Variants in PCDHAC1 observed in about 807,000 individuals in gnomAD.
PCDHAC1 encodes protocadherin alpha subfamily C, 1.
PCDHAC1 carries 42 observed loss-of-function variants against 60.0 expected under a neutral mutation model. That is an observed-to-expected ratio of 0.70 (90% CI 0.55 to 0.90). The LOEUF (loss-of-function observed/expected upper bound fraction) is 0.90, where lower values mean the gene tolerates loss of function less well. PCDHAC1 is among the 40% of genes least tolerant of loss of function. The probability of loss-of-function intolerance (pLI) is 0.00; values close to 1 mark genes in which losing one functional copy is unlikely to be tolerated. For missense variants in PCDHAC1, 1,160 were observed against 1,222.3 expected, an observed-to-expected ratio of 0.95 and a Z score of 0.76; for synonymous variants, 468 against 499.3, an observed-to-expected ratio of 0.94 and a Z score of 0.84.
At chr5:140,997,833 A>G (rs2097787444) in intron 3 of PCDHAC1, among the ~76,000 whole-genome samples, 1 of 152,230 alleles carries the variant, frequency 6.6e-6, no homozygotes. Flanking sequence ...TCTAAACAAT[A>G]CAATATACAT....
intron 1 of PCDHAC1, among the ~76,000 whole-genome samples, chr5:140,959,972 AAAG>A (rs1460302752): frequency 2.0e-5 from 3 of 152,328 alleles, no homozygotes; most frequent in South Asian, 4.1e-4. Flanking sequence ...GATGTTACTG[AAAG>A]AAGAAGTTGG....
intron 1 of PCDHAC1, among the ~76,000 whole-genome samples, chr5:140,954,350 GA>G (rs1255818394): frequency 6.6e-6 from 1 of 152,156 alleles, no homozygotes; most frequent in Non-Finnish European, 1.5e-5. Context: ...GATCTTTGAG[GA>G]ATCGCCACAC....
intron 1 of PCDHAC1, chr5:140,967,806 G>A (rs1406839046): frequency 8.1e-6 from 13 of 1,614,180 alleles, no homozygotes; most frequent in Non-Finnish European, 1.1e-5. Flanking sequence ...CCCATGGCAG[G>A]TCACTGCAAG....
chr5:140,950,917 A>ACT (rs1554219681), intron 1 of PCDHAC1, among the ~76,000 whole-genome samples: 4 of 151,642 alleles, frequency 2.6e-5, no homozygotes, highest in African/African-American at 9.7e-5. Context: ...ATTTTATTTC[A>ACT]GTTCTTTTTC....
intron 1 of PCDHAC1, among the ~76,000 whole-genome samples, chr5:140,942,139 A>G (rs1211983428): frequency 6.6e-6 from 1 of 152,248 alleles, no homozygotes; most frequent in African/African-American, 2.4e-5. Flanking sequence ...TTGTGGCTTT[A>G]CTTGACATAA....
intron 1 of PCDHAC1, chr5:140,967,282 G>A (rs1463734502): frequency 1.1e-5 from 17 of 1,612,960 alleles, no homozygotes; most frequent in Non-Finnish European, 1.4e-5. Context: ...TAGAGAGTGC[G>A]CAGGACCCCG....
intron 2 of PCDHAC1, 155 bp downstream of exon 2, chr5:140,979,162 T>C: frequency 2.1e-6 from 2 of 975,444 alleles, no homozygotes; most frequent in Non-Finnish European, 2.4e-6. Context: ...TGTTTATTCC[T>C]TGAAAGATCG....
chr5:140,966,050 C>T (rs1554228018), intron 1 of PCDHAC1, among the ~76,000 whole-genome samples: 3 of 152,206 alleles, frequency 2.0e-5, no homozygotes, highest in African/African-American at 7.2e-5. Context: ...TCGCCAGTAA[C>T]CCCAGAGCGC....
At chr5:140,969,230 G>A (rs1554231609) in intron 1 of PCDHAC1, 1 of 1,614,154 alleles carries the variant, frequency 6.2e-7, no homozygotes, top group South Asian at 1.1e-5. Flanking sequence ...GCCTTCGGGA[G>A]CCCAAGCAGC....
chr5:140,961,887 GTTT>G (rs35680913), intron 1 of PCDHAC1, among the ~76,000 whole-genome samples: 1 of 143,934 alleles, frequency 6.9e-6, no homozygotes. Context: ...ACTTACATCA[GTTT>G]TTTTTTTTTT....
At position 140,928,121 on chromosome 5, in the gene PCDHAC1, A is replaced by C; in HGVS notation, c.1229A>C (p.Glu410Ala). 1 of 1,614,194 alleles carries C rather than the reference A, an allele frequency of 6.2e-7. No individual in the cohort carries two copies. The highest frequency in any genetic ancestry group is 8.5e-7 in the Non-Finnish European group (1 of 1,180,012). ...DGPLDREQIS[E>A]YQVLITASDS... ...CCCCTGGACCGGGAGCAGATCAGTG[A>C]ATACCAAGTCCTGATCACGGCCTCA... The change falls in exon 1 of 4, where the codon GAA becomes GCA. Residue 410 changes from glutamate to alanine, a missense_variant. Physicochemically the swap from Glu to Ala is moderately radical, Grantham distance 107 (BLOSUM62 -1). Transcript: ENST00000253807.
intron 1 of PCDHAC1, chr5:140,969,405 C>T (rs781817372): frequency 6.3e-7 from 1 of 1,577,066 alleles, no homozygotes; most frequent in Non-Finnish European, 8.6e-7. Flanking sequence ...TGTGATTTGG[C>T]TTTATTGAGT....
chr5:140,961,920 G>A (rs2095643236), intron 1 of PCDHAC1, among the ~76,000 whole-genome samples: 1 of 147,904 alleles, frequency 6.8e-6, no homozygotes, highest in South Asian at 2.1e-4. Context: ...GTCTCGCTCT[G>A]TTGCCCAGGC....
chr5:140,972,406 A>T (rs75214457), intron 1 of PCDHAC1, among the ~76,000 whole-genome samples: 3,555 of 151,374 alleles, frequency 0.023, 73 homozygotes, highest in Middle Eastern at 0.055. Flanking sequence ...CTATTGGCAA[A>T]CCCTGTTAAG....
At chr5:140,962,710 T>C (rs2095702479) in intron 1 of PCDHAC1, among the ~76,000 whole-genome samples, 1 of 152,246 alleles carries the variant, frequency 6.6e-6, no homozygotes, top group South Asian at 2.1e-4. Context: ...ATAATCATAT[T>C]GGAAAGTATT....
intron 2 of PCDHAC1, among the ~76,000 whole-genome samples, chr5:140,979,612 G>A (rs1223690856): frequency 6.6e-6 from 1 of 152,042 alleles, no homozygotes; most frequent in Admixed American, 6.6e-5. Flanking sequence ...CTAGAGTAAC[G>A]GTATTAGTCT....
chr5:140,999,822 T>C (rs1389164136), intron 3 of PCDHAC1, among the ~76,000 whole-genome samples: 3 of 152,222 alleles, frequency 2.0e-5, no homozygotes, highest in Non-Finnish European at 4.4e-5. Context: ...GAGCTGTGGC[T>C]TTAAAAATAT....
chr5:140,970,227 A>T (rs186622858), intron 1 of PCDHAC1, among the ~76,000 whole-genome samples: 190 of 152,300 alleles, frequency 1.2e-3, no homozygotes, highest in African/African-American at 4.2e-3. Flanking sequence ...GCAGCCTGTA[A>T]TCTTCTGATT....
chr5:140,935,280 G>A (rs1039041502), intron 1 of PCDHAC1, among the ~76,000 whole-genome samples: 2 of 152,114 alleles, frequency 1.3e-5, no homozygotes, highest in Admixed American at 6.5e-5. Context: ...ATCTAATAAA[G>A]TTCAGCACTC....
Sources: allele counts gnomAD v4.1 joint callset (sites outside exome capture counted in the v4.1 genomes callset), GRCh38; gene constraint gnomAD v4.1.1; transcripts MANE v1.5; gene names NCBI Gene and HGNC (gene_info 2026-07-23, HGNC 2026-07-21).